RASA3: variants seen among roughly 807,000 people sequenced by gnomAD.
RASA3 encodes the protein ras GTPase-activating protein 3.
Under a neutral mutation model 110.0 loss-of-function variants are expected in RASA3, and 73 were observed. That is an observed-to-expected ratio of 0.66 (90% confidence interval 0.55 to 0.81). The LOEUF (loss-of-function observed/expected upper bound fraction) is 0.81, where lower values mean the gene tolerates loss of function less well. Among genes scored for constraint, RASA3 ranks in the 30% least tolerant of loss-of-function variants. The pLI, the probability that RASA3 is intolerant of heterozygous loss-of-function variation, is 0.00. For synonymous variants in RASA3, 500 were observed against 451.4 expected (o/e 1.11, Z -1.37); for missense variants, 976 against 1,113.2 (o/e 0.88, Z 1.75).
intron 13 of RASA3, 38 bp from the exon 14 acceptor site, chr13:114,015,370 C>T (rs753033136): frequency 6.2e-6 from 10 of 1,608,840 alleles, no homozygotes; most frequent in African/African-American, 1.3e-5. Flanking sequence ...ACTCCCGAGG[C>T]TGCCCACAGG....
chr13:114,100,821 A>G (rs9590378), intron 1 of RASA3, among the ~76,000 whole-genome samples: 117,604 of 152,202 alleles, frequency 0.77, 45,637 homozygotes, highest in Middle Eastern at 0.83. Flanking sequence ...CCCGGGCCCC[A>G]TGCGTCTGTG....
At chr13:114,098,217 G>A (rs960359685) in intron 1 of RASA3, among the ~76,000 whole-genome samples, 5 of 152,126 alleles carry the variant, frequency 3.3e-5, no homozygotes, top group South Asian at 2.1e-4. Flanking sequence ...CATCAGCGAC[G>A]AGCCAGGCCC....
chr13:114,043,748 G>A (rs1381940180), intron 3 of RASA3, among the ~76,000 whole-genome samples: 2 of 152,000 alleles, frequency 1.3e-5, no homozygotes, highest in Non-Finnish European at 2.9e-5. Context: ...GACACACCAC[G>A]TGGACTCCCT....
At position 113,978,991 on chromosome 13, in the gene RASA3, T is replaced by A; in HGVS notation, c.*356A>T. ...AGACTGACGCACACACGGCCGGAGGTGCATGTCACAGTCGACTAGACGGGC... is the reference window on the plus strand; with the variant it reads ...AGACTGACGCACACACGGCCGGAGGAGCATGTCACAGTCGACTAGACGGGC... On this transcript the variant is annotated 3_prime_UTR_variant, in exon 24 of 24. Transcript: ENST00000334062. 1 of 310,284 alleles carries A rather than the reference T, an allele frequency of 3.2e-6. No homozygotes were observed. The highest frequency in any genetic ancestry group is 6.1e-6 in the Non-Finnish European group (1 of 162,674). 19.2% of individuals were successfully genotyped at this position (310,284 alleles called of 1,614,324 possible).
chr13:114,023,313 CA>C lies in RASA3; in HGVS notation c.680+965del, dbSNP rs557685109. ...CCCAGGCTTGGGGGCATCCCAGGCT[CA>C]GGGAACATCCCAGGCTCGGGGGCAT... is the stretch of plus-strand genomic sequence containing the variant. On this transcript the variant is annotated intron_variant, in intron 8 of 23. Coordinates refer to ENST00000334062, the MANE Select transcript of RASA3 (RefSeq NM_007368.4). 3.4e-3 allele frequency among the ~76,000 whole-genome samples: 511 copies of C among 152,066 alleles called. 3 individuals are homozygous for C. Among genetic ancestry groups the C allele is most frequent in the African/African-American group, 0.012 (487 of 41,474 alleles).
At chr13:114,120,863 C>T (rs915719575) in intron 1 of RASA3, among the ~76,000 whole-genome samples, 7 of 152,210 alleles carry the variant, frequency 4.6e-5, no homozygotes, top group Admixed American at 3.9e-4. Context: ...AATGTTTGTC[C>T]ACCGTTTTCT....
chr13:114,115,047 G>C lies in RASA3; in HGVS notation c.55+17388C>G, dbSNP rs1482008678. Among the ~76,000 whole-genome samples, 1 of 151,000 alleles carries C rather than the reference G, an allele frequency of 6.6e-6. No individual in the cohort carries two copies. The highest frequency in any genetic ancestry group is 2.0e-4 in the East Asian group (1 of 5,126). On this transcript the variant is annotated intron_variant, in intron 1 of 23. Transcript: ENST00000334062. The surrounding 1 kb of genome is among the most constrained non-coding windows in gnomAD (Gnocchi z 5.0). Reference sequence around the variant, plus strand: ...CACCCCCAGCTGTGAGATGCTGCAGGTTCCCCAGCCCCACCCCCAGCTGTG... The same window carrying C: ...CACCCCCAGCTGTGAGATGCTGCAGCTTCCCCAGCCCCACCCCCAGCTGTG...
chr13:114,062,865 C>T (rs1280081579), intron 2 of RASA3, among the ~76,000 whole-genome samples: 1 of 152,248 alleles, frequency 6.6e-6, no homozygotes, highest in Non-Finnish European at 1.5e-5. Flanking sequence ...CCCCACACCA[C>T]AGCATCCACA....
At chr13:114,023,345 G>A (rs2053966466) in intron 8 of RASA3, among the ~76,000 whole-genome samples, 1 of 151,092 alleles carries the variant, frequency 6.6e-6, no homozygotes, top group South Asian at 2.1e-4. Context: ...GGCATCCCAG[G>A]CTCGGGGGCA....
At position 114,102,342 on chromosome 13, in the gene RASA3, G is replaced by A. The variant is rs142674162; in HGVS notation, c.56-28505C>T. The stretch of plus-strand genomic sequence containing the variant: ...GCAGCGGGCACCGAACCAGACTGTC[G>A]GACCTGTGCTGGGGGAGAGCGAGAG... On this transcript the variant is annotated intron_variant, in intron 1 of 23. Transcript: ENST00000334062. Among the ~76,000 whole-genome samples the A allele has an allele frequency of 1.6e-4, 24 of 152,212 alleles. No individual in the cohort carries two copies. The East Asian group carries it at 3.9e-3, about 25-fold the overall frequency.
intron 1 of RASA3, among the ~76,000 whole-genome samples, chr13:114,097,148 G>A (rs1242939200): frequency 2.6e-5 from 4 of 152,224 alleles, no homozygotes; most frequent in East Asian, 1.9e-4. Flanking sequence ...GCAGTTCTCC[G>A]CAGATATGGG....
In RASA3 at chr13:114,123,541, C is replaced by A. The variant is rs1479835114; in HGVS notation, c.55+8894G>T. Among the ~76,000 whole-genome samples, 6 of 152,368 alleles carry A rather than the reference C, an allele frequency of 3.9e-5. No homozygotes were observed. In the South Asian group the frequency reaches 1.2e-3, roughly 32 times the overall value. On this transcript the variant is annotated intron_variant, in intron 1 of 23. Coordinates refer to ENST00000334062, the MANE Select transcript of RASA3 (RefSeq NM_007368.4). Reference sequence around the variant, plus strand: ...GGGTCTATCGCGCCCAGTTCAGACCCGGGCTGCAGCTTGGAGACGATGACG... The same window carrying A: ...GGGTCTATCGCGCCCAGTTCAGACCAGGGCTGCAGCTTGGAGACGATGACG...
intron 1 of RASA3, 59 bp downstream of exon 1, chr13:114,132,376 G>A: frequency 3.5e-6 from 5 of 1,428,688 alleles, no homozygotes; most frequent in Non-Finnish European, 2.8e-6. Context: ...GGAGGCGGGC[G>A]CGGGAGAGGA....
chr13:114,075,746 T>A, intron 1 of RASA3, among the ~76,000 whole-genome samples: 1 of 100,598 alleles, frequency 9.9e-6, no homozygotes, highest in South Asian at 3.7e-4. Flanking sequence ...TATCTCTGGG[T>A]GTGGAGGCGC....
chr13:114,028,466 C>T (rs1198629533), intron 5 of RASA3, among the ~76,000 whole-genome samples: 1 of 151,790 alleles, frequency 6.6e-6, no homozygotes, highest in African/African-American at 2.4e-5. Flanking sequence ...CATCTGGGAG[C>T]CAGGACCCCT....
At position 114,056,645 on chromosome 13, in the gene RASA3, G is replaced by A. The variant is rs1175330657; in HGVS notation, c.174-4490C>T. 1 of 985,198 alleles carries A rather than the reference G, an allele frequency of 1.0e-6. No homozygotes were observed. The highest frequency in any genetic ancestry group is 1.2e-6 in the Non-Finnish European group (1 of 829,930). 61.0% of individuals were successfully genotyped at this position (985,198 alleles called of 1,614,324 possible). ...CCTGGGAGGGTCCCGTGAGGCTTCT[G>A]GTGGTGCTGACAGCTGTCCGTGGAA... On this transcript the variant is annotated intron_variant, in intron 2 of 23. Transcript: ENST00000334062. The surrounding 1 kb of genome is among the most constrained non-coding windows in gnomAD (Gnocchi z 5.7).
intron 22 of RASA3, among the ~76,000 whole-genome samples, chr13:113,982,447 G>T (rs941244709): frequency 3.3e-5 from 5 of 152,220 alleles, no homozygotes; most frequent in African/African-American, 1.2e-4. Context: ...TACGCACCGG[G>T]GCCACCTTCC....
At chr13:113,990,231 A>G (rs763550987) in intron 22 of RASA3, among the ~76,000 whole-genome samples, 31 of 152,066 alleles carry the variant, frequency 2.0e-4, no homozygotes, top group Non-Finnish European at 4.1e-4. Context: ...TTATAGCAAC[A>G]TGAGAACTAA....
intron 3 of RASA3, among the ~76,000 whole-genome samples, chr13:114,050,503 C>T (rs2079126551): frequency 6.6e-6 from 1 of 152,266 alleles, no homozygotes; most frequent in Non-Finnish European, 1.5e-5. Context: ...CAGTGAACAA[C>T]AGTCCCAAAA....
Sources: gnomAD v4.1 joint callset for allele counts (sites outside exome capture counted in the v4.1 genomes callset) on GRCh38, gnomAD v4.1.1 for gene constraint, Gnocchi (gnomAD v3.1) non-coding constraint, MANE v1.5 for transcripts, NCBI Gene and HGNC (gene_info 2026-07-23, HGNC 2026-07-21) for gene names.